The following RNASET2 variants were observed in gnomAD, a reference collection of about 807,000 sequenced individuals.
The protein encoded by RNASET2 is ribonuclease T2.
In RNASET2, 28 loss-of-function variants were observed where a neutral mutation model predicts 33.9. That is an observed-to-expected ratio of 0.83 (90% confidence interval 0.61 to 1.13). The LOEUF (loss-of-function observed/expected upper bound fraction) is 1.13. RNASET2 is among the 50% of genes most tolerant of loss of function. The pLI is 0.00. For missense variants in RNASET2, 330 were observed against 319.9 expected, an observed-to-expected ratio of 1.03 and a Z score of -0.24; for synonymous variants, 123 against 121.0, an observed-to-expected ratio of 1.02 and a Z score of -0.11.
intron 7 of RNASET2, 52 bp from the exon 8 acceptor site, chr6:166,931,170 G>T: frequency 1.6e-6 from 2 of 1,241,480 alleles, no homozygotes; most frequent in South Asian, 1.2e-5. Flanking sequence ...GAAAAGATCT[G>T]ACAGTTCTGG....
chr6:166,937,479 G>A (rs1339052646), intron 6 of RNASET2, among the ~76,000 whole-genome samples: 4 of 152,188 alleles, frequency 2.6e-5, no homozygotes, highest in Non-Finnish European at 4.4e-5. Flanking sequence ...TTTGTTAGGT[G>A]AGAAAATGTT....
At chr6:166,953,008 CAT>C (rs764901034) in intron 1 of RNASET2, 1 of 216,022 alleles carries the variant, frequency 4.6e-6, no homozygotes, top group Non-Finnish European at 9.5e-6. Context: ...CCTGAACTAG[CAT>C]AACGCTATTT....
At chr6:166,930,942 T>C (rs1778421647) in intron 8 of RNASET2, 102 bp downstream of exon 8, 2 of 849,120 alleles carry the variant, frequency 2.4e-6, no homozygotes, top group African/African-American at 1.7e-5. Flanking sequence ...AATGCACAAA[T>C]ACAAGTCTGC....
intron 5 of RNASET2, among the ~76,000 whole-genome samples, chr6:166,939,604 A>G (rs1778649564): frequency 6.6e-6 from 1 of 152,236 alleles, no homozygotes; most frequent in African/African-American, 2.4e-5. Flanking sequence ...TCACAAAGCA[A>G]CGTGTGGTCT....
chr6:166,934,269 A>T (rs905749598), intron 6 of RNASET2, 133 bp from the exon 7 acceptor site: 1 of 702,450 alleles, frequency 1.4e-6, no homozygotes, highest in Non-Finnish European at 2.5e-6. Flanking sequence ...ACTTTATGCA[A>T]CAAATGTGTC....
chr6:166,946,371 G>A (rs1011477748), intron 4 of RNASET2, among the ~76,000 whole-genome samples: 1 of 152,226 alleles, frequency 6.6e-6, no homozygotes, highest in Admixed American at 6.5e-5. Flanking sequence ...GGGCTGGCGG[G>A]CGAGCGTCAG....
chr6:166,941,129 T>C (rs372858137), intron 5 of RNASET2, among the ~76,000 whole-genome samples: 6 of 152,234 alleles, frequency 3.9e-5, no homozygotes, highest in African/African-American at 1.4e-4. Context: ...AAAATATAAA[T>C]ATTAATTTGT....
chr6:166,944,885 G>T (rs567907006), intron 4 of RNASET2, among the ~76,000 whole-genome samples: 3 of 148,798 alleles, frequency 2.0e-5, no homozygotes, highest in Admixed American at 6.7e-5. Context: ...ACCTGTCAGC[G>T]CTGTCCCCTT....
chr6:166,955,235 G>GCACGCACA (rs1174184518), intron 1 of RNASET2, among the ~76,000 whole-genome samples: 1 of 95,418 alleles, frequency 1.0e-5, no homozygotes, highest in African/African-American at 5.0e-5. Flanking sequence ...ACACACGCAC[G>GCACGCACA]CACGCACACA....
chr6:166,947,068 G>A (rs1294845847), intron 3 of RNASET2, among the ~76,000 whole-genome samples: 3 of 152,088 alleles, frequency 2.0e-5, no homozygotes, highest in Admixed American at 6.6e-5. Context: ...CTGGGTTGAC[G>A]GCAACCTCTG....
At chr6:166,951,671 G>C (rs945981651) in intron 2 of RNASET2, among the ~76,000 whole-genome samples, 9 of 152,240 alleles carry the variant, frequency 5.9e-5, no homozygotes, top group African/African-American at 2.2e-4. Flanking sequence ...TAATTGTAGA[G>C]CAAGGATTAT....
intron 1 of RNASET2, among the ~76,000 whole-genome samples, chr6:166,953,879 C>CA (rs548523987): frequency 0.092 from 10,187 of 110,574 alleles, 545 homozygotes; most frequent in African/African-American, 0.17. Context: ...GACCCTGTCT[C>CA]AAAAAAAAAA....
chr6:166,934,027 G>A (rs1583216718), intron 7 of RNASET2, 64 bp downstream of exon 7: 1 of 1,213,964 alleles, frequency 8.2e-7, no homozygotes, highest in Non-Finnish European at 1.2e-6. Flanking sequence ...CTCAGAGGCT[G>A]AAACGGCCCT....
intron 4 of RNASET2, 125 bp downstream of exon 4, chr6:166,946,557 G>T: frequency 1.4e-6 from 1 of 701,984 alleles, no homozygotes; most frequent in East Asian, 2.7e-5. Flanking sequence ...AGCAGCAAGG[G>T]CTCAATCCTG....
rs372735455 is a variant in RNASET2, at chr6:166,928,636, C to T, written c.*952G>A. Among the ~76,000 whole-genome samples, 4 of 152,244 alleles carry T rather than the reference C, an allele frequency of 2.6e-5. No individual in the cohort carries two copies. In the South Asian group the frequency reaches 6.2e-4, roughly 24 times the overall value. On this transcript the variant is annotated 3_prime_UTR_variant, in exon 9 of 9. Coordinates refer to ENST00000508775, the MANE Select transcript of RNASET2 (RefSeq NM_003730.6). ...TAAAGAGAGAAGAGGCCAGGAGACGCGGGAGAAGACAATGCTAACAGGTTG... is the reference window on the plus strand; with the variant it reads ...TAAAGAGAGAAGAGGCCAGGAGACGTGGGAGAAGACAATGCTAACAGGTTG...
chr6:166,948,143 C>T (rs1050713624), intron 3 of RNASET2, among the ~76,000 whole-genome samples: 8 of 152,080 alleles, frequency 5.3e-5, no homozygotes, highest in Admixed American at 1.3e-4. Context: ...GTCAGGAGGT[C>T]GAGACCAGCC....
chr6:166,930,378 C>T (rs1778390498), intron 8 of RNASET2, among the ~76,000 whole-genome samples: 1 of 151,936 alleles, frequency 6.6e-6, no homozygotes, highest in South Asian at 2.1e-4. Context: ...TATGTGCACA[C>T]ATACACACAG....
chr6:166,936,357 G>GTC (rs889233795), intron 6 of RNASET2, among the ~76,000 whole-genome samples: 4 of 151,458 alleles, frequency 2.6e-5, no homozygotes, highest in Admixed American at 2.6e-4. Flanking sequence ...TGTCGTGTGT[G>GTC]TGTGTGTGTG....
chr6:166,946,595 T>C lies in RNASET2; in HGVS notation c.261+87A>G. 1.0e-5 allele frequency: 8 copies of C among 792,300 alleles called. 1 individual carries two copies. Among genetic ancestry groups the C allele is most frequent in the South Asian group, 2.9e-5 (2 of 68,072 alleles). 49.1% of individuals were successfully genotyped at this position (792,300 alleles called of 1,614,324 possible). A position where few individuals can be genotyped will look rare whatever the true frequency, so the allele number is the denominator to read the frequency against. On this transcript the variant is annotated intron_variant, in intron 4 of 8. Transcript: ENST00000508775. ...GAATACATTCATGACCCCTTAATTTTAAAGATGACTTTGAAGGTACGCTTG... is the reference window on the plus strand; with the variant it reads ...GAATACATTCATGACCCCTTAATTTCAAAGATGACTTTGAAGGTACGCTTG...
Sources: gnomAD v4.1 joint callset for allele counts (sites outside exome capture counted in the v4.1 genomes callset) on GRCh38, gnomAD v4.1.1 for gene constraint, MANE v1.5 for transcripts, NCBI Gene and HGNC (gene_info 2026-07-23, HGNC 2026-07-21) for gene names.